PHEX: variants seen among roughly 807,000 people sequenced by gnomAD.
PHEX encodes the protein phosphate regulating endopeptidase X-linked.
PHEX carries 16 observed loss-of-function variants against 68.0 expected under a neutral mutation model. That is an observed-to-expected ratio of 0.24 (90% CI 0.16 to 0.36). The LOEUF (loss-of-function observed/expected upper bound fraction) is 0.36, where lower values mean the gene tolerates loss of function less well. PHEX is among the 10% of genes least tolerant of loss of function. The pLI, the probability that PHEX is intolerant of heterozygous loss-of-function variation, is 1.00. For synonymous variants in PHEX, 208 were observed against 205.1 expected (o/e 1.01, Z -0.12); for missense variants, 480 against 575.5 (o/e 0.83, Z 1.70).
intron 13 of PHEX, chrX:22,172,209 G>T (rs146518599): frequency 8.9e-6 from 1 of 111,806 alleles, no homozygotes; most frequent in Non-Finnish European, 1.9e-5. Context: ...TAAAAAGGTA[G>T]GCATGAGCCC....
chrX:22,244,605 C>CCAAA (rs769084090), intron 20 of PHEX, among the ~76,000 whole-genome samples: 1 of 110,513 alleles, frequency 9.0e-6, no homozygotes. Context: ...CCATGTCAAA[C>CCAAA]CAAACAAACA....
chrX:22,186,787 C>T (rs1294980719), intron 14 of PHEX, among the ~76,000 whole-genome samples: 1 of 112,153 alleles, frequency 8.9e-6, no homozygotes, highest in African/African-American at 3.2e-5. Flanking sequence ...GTTTCAGAGA[C>T]TGGTTGTTTG....
chrX:22,209,033 A>T (rs1230013624), intron 15 of PHEX, among the ~76,000 whole-genome samples: 1 of 112,043 alleles, frequency 8.9e-6, no homozygotes, highest in South Asian at 3.7e-4. Context: ...TGAAAAGACC[A>T]GAAGTTTGCT....
At chrX:22,209,781 CTCCCTCTCT>C in intron 15 of PHEX, among the ~76,000 whole-genome samples, 1 of 93,114 alleles carries the variant, frequency 1.1e-5, no homozygotes, top group Non-Finnish European at 2.1e-5. Flanking sequence ...CCTCCCTCTC[CTCCCTCTCT>C]CTCTCCCTCT....
intron 11 of PHEX, among the ~76,000 whole-genome samples, chrX:22,115,344 A>G (rs1233617113): frequency 8.9e-6 from 1 of 112,261 alleles, no homozygotes; most frequent in Non-Finnish European, 1.9e-5. Flanking sequence ...ACAAACACAA[A>G]GTATACAAGA....
At chrX:22,121,512 G>T (rs1308300920) in intron 11 of PHEX, among the ~76,000 whole-genome samples, 2 of 111,811 alleles carry the variant, frequency 1.8e-5, no homozygotes, top group African/African-American at 3.3e-5. Context: ...TGAGAAGAGG[G>T]CTCAGAGGAG....
intron 9 of PHEX, among the ~76,000 whole-genome samples, chrX:22,101,031 C>G (rs1463135870): frequency 9.0e-6 from 1 of 110,765 alleles, no homozygotes; most frequent in African/African-American, 3.3e-5. Context: ...CAAAATTTAG[C>G]TGGGCGTGGT....
At chrX:22,048,972 A>G (rs1927682352) in intron 3 of PHEX, among the ~76,000 whole-genome samples, 1 of 111,940 alleles carries the variant, frequency 8.9e-6, no homozygotes, top group African/African-American at 3.2e-5. Context: ...GCACACCTAT[A>G]TATTGTAAAA....
intron 20 of PHEX, among the ~76,000 whole-genome samples, chrX:22,231,230 C>CT (rs1389601755): frequency 2.4e-4 from 27 of 110,527 alleles, no homozygotes; most frequent in Admixed American, 7.7e-4. Flanking sequence ...TGAAAGTTTT[C>CT]TTTTTTTTTG....
chrX:22,072,247 A>G (rs989539862), intron 3 of PHEX, among the ~76,000 whole-genome samples: 1 of 108,050 alleles, frequency 9.3e-6, no homozygotes, highest in Non-Finnish European at 1.9e-5. Flanking sequence ...AACACACAAA[A>G]ACAAAAAACA....
At chrX:22,127,844 C>G (rs1015830596) in intron 11 of PHEX, among the ~76,000 whole-genome samples, 5 of 108,829 alleles carry the variant, frequency 4.6e-5, no homozygotes, top group African/African-American at 1.7e-4. Context: ...GAGAGGGCCA[C>G]AAAGAGTGAG....
intron 12 of PHEX, among the ~76,000 whole-genome samples, chrX:22,149,387 T>C (rs753830792): frequency 8.9e-6 from 1 of 112,515 alleles, no homozygotes; most frequent in African/African-American, 3.2e-5. Flanking sequence ...TCAACTCTGA[T>C]GTTAAGCTAT....
At chrX:22,198,397 G>T (rs1934440814) in intron 15 of PHEX, among the ~76,000 whole-genome samples, 1 of 109,118 alleles carries the variant, frequency 9.2e-6, no homozygotes, top group Admixed American at 1.0e-4. Context: ...AAGACATCAT[G>T]GTGAGTGTGC....
intron 20 of PHEX, among the ~76,000 whole-genome samples, chrX:22,234,769 G>A (rs1390665651): frequency 2.8e-5 from 3 of 108,454 alleles, no homozygotes; most frequent in African/African-American, 6.7e-5. Flanking sequence ...CCCTTCTGAC[G>A]GGAGTGAACG....
In PHEX at chrX:22,036,054, A is replaced by ATATATT. The variant is rs1349859330; in HGVS notation, c.119-2414_119-2413insATATTT. 2.6e-4 allele frequency among the ~76,000 whole-genome samples: 15 copies of ATATATT among 56,695 alleles called. 1 individual carries two copies. Among genetic ancestry groups the ATATATT allele is most frequent in the African/African-American group, 1.2e-3 (13 of 10,915 alleles). 49.2% of individuals were successfully genotyped at this position (56,695 alleles called of 115,157 possible). On this transcript the variant is annotated intron_variant, in intron 1 of 21. Transcript: ENST00000379374. The stretch of plus-strand genomic sequence containing the variant: ...CACGTACATATATATATATATATAT[A>ATATATT]TTTTTTTTTTTTTTTTTTTTTTTGA...
chrX:22,130,584 T>C (rs929456478), intron 11 of PHEX, among the ~76,000 whole-genome samples: 9 of 107,513 alleles, frequency 8.4e-5, no homozygotes, highest in Admixed American at 4.0e-4. Context: ...TTAGGCATGC[T>C]GATAGGCAAA....
chrX:22,226,123 G>GT (rs1935486422), intron 18 of PHEX, among the ~76,000 whole-genome samples: 2 of 111,775 alleles, frequency 1.8e-5, no homozygotes, highest in Admixed American at 1.9e-4. Context: ...TGACATTCCT[G>GT]TTTTTTCCCA....
At chrX:22,118,339 C>CAAAAAAAAAAAAAAAAAAAA (rs1157170753) in intron 11 of PHEX, among the ~76,000 whole-genome samples, 1 of 21,111 alleles carries the variant, frequency 4.7e-5, no homozygotes, top group African/African-American at 1.7e-4. Flanking sequence ...TAAACAGCAC[C>CAAAAAAAAAAAAAAAAAAAA]AAAAAAAAAA....
At chrX:22,188,940 C>T (rs758839411) in intron 14 of PHEX, among the ~76,000 whole-genome samples, 2 of 112,195 alleles carry the variant, frequency 1.8e-5, no homozygotes, top group South Asian at 7.5e-4. Context: ...TGGTAACCAT[C>T]CTTCTACTCT....
Sources: gnomAD v4.1 joint callset for allele counts (sites outside exome capture counted in the v4.1 genomes callset) on GRCh38, gnomAD v4.1.1 for gene constraint, MANE v1.5 for transcripts, NCBI Gene and HGNC (gene_info 2026-07-23, HGNC 2026-07-21) for gene names.